The following CLASP2 variants were observed in gnomAD, a reference collection of about 807,000 sequenced individuals.
CLASP2 encodes the protein CLIP-associating protein 2.
CLASP2 carries 47 observed loss-of-function variants against 194.4 expected under a neutral mutation model. That is an observed-to-expected ratio of 0.24 (90% CI 0.19 to 0.31). The LOEUF is 0.31. CLASP2 is among the 10% of genes least tolerant of loss of function. The pLI is 1.00. For synonymous variants in CLASP2, 619 were observed against 633.5 expected (o/e 0.98, Z 0.34); for missense variants, 1,445 against 1,823.6 (o/e 0.79, Z 3.78).
At chr3:33,686,254 C>T (rs769798611) in intron 5 of CLASP2, among the ~76,000 whole-genome samples, 22 of 152,114 alleles carry the variant, frequency 1.4e-4, no homozygotes, top group Non-Finnish European at 2.8e-4. Flanking sequence ...GGACATGAAC[C>T]AGAACACATC....
At chr3:33,680,587 C>A (rs1391377320) in intron 6 of CLASP2, among the ~76,000 whole-genome samples, 2 of 151,496 alleles carry the variant, frequency 1.3e-5, no homozygotes, top group Non-Finnish European at 2.9e-5. Context: ...GGCAGGAGAA[C>A]TGCTTGAGCC....
intron 33 of CLASP2, among the ~76,000 whole-genome samples, chr3:33,537,010 G>T (rs538987476): frequency 6.6e-6 from 1 of 152,286 alleles, no homozygotes; most frequent in South Asian, 2.1e-4. Context: ...TAGAGTCATA[G>T]GATTTATTAT....
rs1345707219 is a variant in CLASP2, at chr3:33,604,137, T to C, written c.1750+17A>G. On this transcript the variant is annotated intron_variant, in intron 17 of 38. Transcript: ENST00000682230. ...AAGATAAAATAGGTTATAACTCTTA[T>C]TTAAAGAGAAAATTACCTCTTCCAG... 1 of 1,538,388 alleles carries C rather than the reference T, an allele frequency of 6.5e-7. No individual in the cohort carries two copies. Among genetic ancestry groups the C allele is most frequent in the Non-Finnish European group, 8.8e-7 (1 of 1,134,956 alleles).
chr3:33,610,625 T>A (rs1473149568), intron 13 of CLASP2, among the ~76,000 whole-genome samples: 3 of 152,192 alleles, frequency 2.0e-5, no homozygotes, highest in African/African-American at 7.2e-5. Flanking sequence ...GGCTGGACAG[T>A]AAATATTTTA....
intron 26 of CLASP2, 136 bp downstream of exon 26, chr3:33,570,591 A>C (rs74422963): frequency 0.022 from 25,201 of 1,133,240 alleles, 348 homozygotes; most frequent in South Asian, 0.029. Context: ...GTATGATACC[A>C]AACAATTTTA....
intron 12 of CLASP2, among the ~76,000 whole-genome samples, chr3:33,614,199 T>C (rs138014062): frequency 3.9e-5 from 6 of 152,128 alleles, no homozygotes; most frequent in Admixed American, 1.3e-4. Context: ...ACGTGAAAAA[T>C]GAGCAATTTG....
intron 13 of CLASP2, among the ~76,000 whole-genome samples, chr3:33,610,268 A>G (rs888170262): frequency 2.6e-5 from 4 of 152,186 alleles, no homozygotes; most frequent in Admixed American, 6.5e-5. Context: ...GATTCCTACT[A>G]TCTATGAAAT....
chr3:33,680,699 T>C (rs982581431), intron 6 of CLASP2, among the ~76,000 whole-genome samples: 1 of 152,096 alleles, frequency 6.6e-6, no homozygotes. Context: ...TAGTCCCAGC[T>C]ACTCAGGAGG....
Position 33,510,754 on chromosome 3 carries a change from G to C in CLASP2, c.4121C>G (p.Ser1374Cys), listed in dbSNP as rs2049492939. The C allele has an allele frequency of 6.2e-7, 1 of 1,608,510 alleles. No homozygotes were observed. The highest frequency in any genetic ancestry group is 8.5e-7 in the Non-Finnish European group (1 of 1,177,260). ...HKDPHKEVVRSAEEAASVLAT... is the reference protein window; with the variant it reads ...HKDPHKEVVRCAEEAASVLAT... ...CAACACTGATGCCGCTTCCTCAGCA[G>C]ATCTCACCACCTAAAAAAAATAGGA... Residue 1374 changes from serine to cysteine, a missense_variant, in exon 37 of 39, where the codon TCT (serine) becomes TGT (cysteine). Coordinates refer to ENST00000682230, the MANE Select transcript of CLASP2 (RefSeq NM_001365631.1).
At position 33,672,277 on chromosome 3, in the gene CLASP2, C is replaced by T. The variant is rs181247691; in HGVS notation, c.645-8762G>A. Among the ~76,000 whole-genome samples the T allele has an allele frequency of 2.0e-5, 3 of 152,278 alleles. No individual in the cohort carries two copies. In the East Asian group the frequency reaches 5.8e-4, roughly 29 times the overall value. ...AGAGGAACGAGCTGACAGCAGCATT[C>T]GCGGTTCACGAAAAACCACTGTTCT... On this transcript the variant is annotated intron_variant, in intron 6 of 38. Transcript: ENST00000682230.
At position 33,573,179 on chromosome 3, in the gene CLASP2, G is replaced by C. The variant is rs2154195429; in HGVS notation, c.2630C>G (p.Ser877Cys). 1 of 1,613,674 alleles carries C rather than the reference G, an allele frequency of 6.2e-7. No individual in the cohort carries two copies. The highest frequency in any genetic ancestry group is 8.5e-7 in the Non-Finnish European group (1 of 1,179,786). The change falls in exon 25 of 39, where the codon TCC (serine) becomes TGC (cysteine). Residue 877 changes from serine to cysteine, a missense_variant. By Grantham distance (112) the Ser-to-Cys change is moderately radical (BLOSUM62 -1). Transcript: ENST00000682230. Reference sequence around the variant, plus strand: ...GCCTTCTTTCCTTTCTGACCAATTGGAACTAGCACATCTATTGAGGACTTC... The same window carrying C: ...GCCTTCTTTCCTTTCTGACCAATTGCAACTAGCACATCTATTGAGGACTTC... ...VAEVLNRCAS[S>C]NWSERKEGLL...
At chr3:33,658,757 A>G (rs2084755028) in intron 7 of CLASP2, among the ~76,000 whole-genome samples, 1 of 152,180 alleles carries the variant, frequency 6.6e-6, no homozygotes, top group Non-Finnish European at 1.5e-5. Flanking sequence ...TTGTCACCTC[A>G]TGCTTGCCAG....
chr3:33,542,813 T>C (rs1343448789), intron 32 of CLASP2, among the ~76,000 whole-genome samples: 1 of 152,106 alleles, frequency 6.6e-6, no homozygotes, highest in East Asian at 1.9e-4. Context: ...ATAATGTAAT[T>C]GAAAGACATA....
chr3:33,693,363 C>A (rs920487246), intron 2 of CLASP2, among the ~76,000 whole-genome samples: 2 of 152,094 alleles, frequency 1.3e-5, no homozygotes, highest in African/African-American at 4.8e-5. Context: ...CATTATCTCT[C>A]AAATCAAGTT....
Position 33,718,175 on chromosome 3 carries a change from C to G in CLASP2, c.-173G>C, listed in dbSNP as rs1229450090. 2 of 504,628 alleles carry G rather than the reference C, an allele frequency of 4.0e-6. No homozygotes were observed. Among genetic ancestry groups the G allele is most frequent in the African/African-American group, 2.0e-5 (1 of 49,070 alleles). The allele number at this position is 504,628 out of a possible 1,614,324, so 31.3% of individuals were successfully genotyped here. On this transcript the variant is annotated 5_prime_UTR_variant, in exon 1 of 39. Coordinates refer to ENST00000682230, the MANE Select transcript of CLASP2 (RefSeq NM_001365631.1). ...AGGAACGCCAAGCGCCCAGCCGCCC[C>G]CAAACTAGTCAAACTCGGCGCCCCC...
chr3:33,696,837 TA>T lies in CLASP2; in HGVS notation c.274+17del. 6.8e-7 allele frequency: 1 copy of T among 1,480,678 alleles called. No homozygotes were observed. The highest frequency in any genetic ancestry group is 9.3e-7 in the Non-Finnish European group (1 of 1,076,308). The allele number at this position is 1,480,678 out of a possible 1,614,324, so 91.7% of individuals were successfully genotyped here. On this transcript the variant is annotated intron_variant, in intron 2 of 38. Transcript: ENST00000682230. ...GTCAAATCTTATTTAGAATTGTAAATAAACAAAGTTAACTTACCCATTGCTA... is the reference window on the plus strand; with the variant it reads ...GTCAAATCTTATTTAGAATTGTAAATAACAAAGTTAACTTACCCATTGCTA...
intron 10 of CLASP2, among the ~76,000 whole-genome samples, chr3:33,623,280 C>T (rs1001677071): frequency 2.6e-5 from 4 of 152,106 alleles, no homozygotes; most frequent in South Asian, 2.1e-4. Flanking sequence ...ATTCCAATTC[C>T]ACTCTTTTAG....
In CLASP2 at chr3:33,516,062, G is replaced by A. The variant is rs2051235869; in HGVS notation, c.4071C>T (p.Val1357=). The change falls in exon 36 of 39, where the codon GTC becomes GTT. Residue 1357 remains valine (V), a synonymous_variant. Transcript: ENST00000682230. Reference sequence around the variant, plus strand: ...CTTTATGTGCTTCCAATGTTTTCATGACAGTCAATTCTGCATAGTTTTTAA... The same window carrying A: ...CTTTATGTGCTTCCAATGTTTTCATAACAGTCAATTCTGCATAGTTTTTAA... ...ARFKNYAELT[V]MKTLEAHKDP... 1.2e-6 allele frequency: 2 copies of A among 1,610,880 alleles called. No homozygotes were observed. The highest frequency in any genetic ancestry group is 1.7e-6 in the Non-Finnish European group (2 of 1,178,412).
rs965333973 is a variant in CLASP2 at position 33,687,232 on chromosome 3, T to C, written c.471-97A>G. ...TTCTTGTCTGTAGCAATATAACAAA[T>C]ATAGTGGACAGGATGGGCACACATC... is the stretch of plus-strand genomic sequence containing the variant. On this transcript the variant is annotated intron_variant, in intron 4 of 38. Coordinates refer to ENST00000682230, the MANE Select transcript of CLASP2 (RefSeq NM_001365631.1). 4.2e-5 allele frequency: 30 copies of C among 719,372 alleles called. No individual in the cohort carries two copies. The South Asian group carries it at 4.2e-4, about 10-fold the overall frequency. 44.6% of individuals were successfully genotyped at this position (719,372 alleles called of 1,614,324 possible).
Sources: gnomAD v4.1 joint callset for allele counts (sites outside exome capture counted in the v4.1 genomes callset) on GRCh38, gnomAD v4.1.1 for gene constraint, MANE v1.5 for transcripts, NCBI Gene and HGNC (gene_info 2026-07-23, HGNC 2026-07-21) for gene names.